The following OAT variants were observed in gnomAD, a reference collection of about 807,000 sequenced individuals.
The protein encoded by OAT is ornithine aminotransferase.
Under a neutral mutation model 48.4 loss-of-function variants are expected in OAT, and 35 were observed. The observed-to-expected ratio is 0.72, with a 90% confidence interval of 0.55 to 0.96. The LOEUF is 0.96. Ranked by LOEUF, OAT falls within the 40% of genes least tolerant of loss-of-function variation. The probability of loss-of-function intolerance (pLI) is 0.00; values close to 1 mark genes in which losing one functional copy is unlikely to be tolerated. For synonymous variants in OAT, 182 were observed against 198.4 expected (o/e 0.92, Z 0.70); for missense variants, 438 against 537.9 (o/e 0.81, Z 1.84).
rs1951492816 is a variant in OAT at position 124,403,823 on chromosome 10, A to G, written c.746T>C (p.Val249Ala). Residue 249 changes from valine (V) to alanine (A), a missense_variant, in exon 6 of 10, where the codon GTG (valine) becomes GCG (alanine). Coordinates refer to ENST00000368845, the MANE Select transcript of OAT (RefSeq NM_000274.4). Reference protein sequence around the residue: ...VVPDPGYLMGVRELCTRHQVL... With the variant: ...VVPDPGYLMGARELCTRHQVL... Reference sequence around the variant, plus strand: ...CTGGTGCCTGGTGCAGAGCTCTCGCACTCCCATTAGGTAACCTGGATCCGG... The same window carrying G: ...CTGGTGCCTGGTGCAGAGCTCTCGCGCTCCCATTAGGTAACCTGGATCCGG... 1 of 1,613,958 alleles carries G rather than the reference A, an allele frequency of 6.2e-7. No homozygotes were observed. The highest frequency in any genetic ancestry group is 1.7e-5 in the Admixed American group (1 of 60,000).
chr10:124,417,003 C>A (rs1386807945), intron 1 of OAT, among the ~76,000 whole-genome samples: 1 of 152,144 alleles, frequency 6.6e-6, no homozygotes, highest in East Asian at 1.9e-4. Flanking sequence ...TCAACTACAG[C>A]ACATCCTCCA....
chr10:124,400,346 G>A (rs1358727391), intron 9 of OAT, among the ~76,000 whole-genome samples: 1 of 151,842 alleles, frequency 6.6e-6, no homozygotes, highest in East Asian at 1.9e-4. Flanking sequence ...TACTCGGGAG[G>A]CTGAGGCAGG....
At chr10:124,412,586 G>C (rs879501919) in intron 1 of OAT, among the ~76,000 whole-genome samples, 1 of 151,800 alleles carries the variant, frequency 6.6e-6, no homozygotes, top group Non-Finnish European at 1.5e-5. Flanking sequence ...TGGGAGGATC[G>C]CTTGAGCCGA....
At chr10:124,417,263 T>A (rs1402309601) in intron 1 of OAT, among the ~76,000 whole-genome samples, 3 of 150,370 alleles carry the variant, frequency 2.0e-5, no homozygotes, top group Admixed American at 6.6e-5. Flanking sequence ...CATGAAAAAC[T>A]GTAAACCCAA....
chr10:124,403,296 A>G (rs994282256), intron 6 of OAT: 2 of 574,498 alleles, frequency 3.5e-6, no homozygotes, highest in Admixed American at 3.1e-5. Flanking sequence ...GCCCTGCTCT[A>G]CATAGTGAAA....
chr10:124,400,889 G>T lies in OAT; in HGVS notation c.1110C>A (p.Ala370=), dbSNP rs148325838. 6.2e-7 allele frequency: 1 copy of T among 1,605,324 alleles called. No individual in the cohort carries two copies. ...LMKLPSDVVT[A]VRGKGLLNAI... ...CGTTTAATAATCCTTTTCCTCTTACGGCAGTTACAACATCAGAAGGTAGCT... is the reference window on the plus strand; with the variant it reads ...CGTTTAATAATCCTTTTCCTCTTACTGCAGTTACAACATCAGAAGGTAGCT... Residue 370 remains alanine (A), a synonymous_variant, in exon 9 of 10, where the codon GCC becomes GCA. Transcript: ENST00000368845.
At chr10:124,411,826 A>G (rs1951761276) in intron 2 of OAT, 147 bp downstream of exon 2, 1 of 758,796 alleles carries the variant, frequency 1.3e-6, no homozygotes, top group African/African-American at 1.8e-5. Flanking sequence ...AAAAAAAAAA[A>G]AAAAAAAAGA....
Position 124,412,056 on chromosome 10 carries a change from G to A in OAT, c.116C>T (p.Thr39Ile), listed in dbSNP as rs754764229. Reference sequence around the variant, plus strand: ...TTCCCTTTCAAAAATGTCATCAGAGGTTGGAGGGCCTTGGACTGTTTTTTT... The same window carrying A: ...TTCCCTTTCAAAAATGTCATCAGAGATTGGAGGGCCTTGGACTGTTTTTTT... ...ATKKTVQGPPTSDDIFEREYK... is the reference protein window; with the variant it reads ...ATKKTVQGPPISDDIFEREYK... The change falls in exon 2 of 10, where the codon ACC (threonine) becomes ATC (isoleucine). Residue 39 changes from threonine to isoleucine, a missense_variant. Coordinates refer to ENST00000368845, the MANE Select transcript of OAT (RefSeq NM_000274.4). The A allele has an allele frequency of 1.2e-6, 2 of 1,614,188 alleles. No homozygotes were observed. Among genetic ancestry groups the A allele is most frequent in the Non-Finnish European group, 8.5e-7 (1 of 1,180,042 alleles).
chr10:124,398,952 G>A (rs1430335214), intron 9 of OAT, among the ~76,000 whole-genome samples: 1 of 152,074 alleles, frequency 6.6e-6, no homozygotes, highest in Non-Finnish European at 1.5e-5. Flanking sequence ...AGGAAGTGGA[G>A]GTCGCAGTGA....
Position 124,401,748 on chromosome 10 carries a change from CGGCAGCCTAGTGG to C in OAT, c.979_991del (p.Pro327GlufsTer10). 6.2e-7 allele frequency: 1 copy of C among 1,612,258 alleles called. No individual in the cohort carries two copies. Among genetic ancestry groups the C allele is most frequent in the Non-Finnish European group, 8.5e-7 (1 of 1,178,958 alleles). ...TACCTCAAGGGCTGCGATGGCCACT[CGGCAGCCTAGTGG>C]ATTGCCACCGTATGTGGACCCATGC... On this transcript the variant is annotated frameshift_variant, in exon 8 of 10. Transcript: ENST00000368845. LOFTEE classifies it high-confidence loss of function.
chr10:124,410,216 A>G lies in OAT; in HGVS notation c.200-1251T>C, dbSNP rs530103373. Among the ~76,000 whole-genome samples the G allele has an allele frequency of 3.9e-5, 6 of 152,338 alleles. No individual in the cohort carries two copies. In the East Asian group the frequency reaches 1.2e-3, roughly 29 times the overall value. ...ACCACCGTAATCATTTATTCAGGCA[A>G]GAATCATTAGTGGATGCTGAAATTG... On this transcript the variant is annotated intron_variant, in intron 2 of 9. Transcript: ENST00000368845.
intron 1 of OAT, among the ~76,000 whole-genome samples, chr10:124,413,267 T>C (rs1421793924): frequency 2.1e-4 from 28 of 134,686 alleles, no homozygotes; most frequent in African/African-American, 4.0e-4. Flanking sequence ...CATAAATACA[T>C]ACACACACAC....
chr10:124,412,630 T>C (rs149098767), intron 1 of OAT, among the ~76,000 whole-genome samples: 68 of 151,414 alleles, frequency 4.5e-4, no homozygotes, highest in Non-Finnish European at 8.8e-4. Flanking sequence ...ACATAGTCTC[T>C]ATAAAAGAAA....
At chr10:124,404,277 T>A (rs556678124) in intron 5 of OAT, among the ~76,000 whole-genome samples, 1 of 151,536 alleles carries the variant, frequency 6.6e-6, no homozygotes, top group Non-Finnish European at 1.5e-5. Flanking sequence ...TTTCATTTTT[T>A]TTTTTTTGGA....
intron 1 of OAT, among the ~76,000 whole-genome samples, chr10:124,415,591 C>T (rs186101928): frequency 1.3e-5 from 2 of 152,310 alleles, no homozygotes; most frequent in East Asian, 3.9e-4. Context: ...AATCTTAGAG[C>T]AGAATTAAGA....
At chr10:124,401,895 A>T in intron 7 of OAT, 56 bp from the exon 8 acceptor site, 1 of 1,328,284 alleles carries the variant, frequency 7.5e-7, no homozygotes, top group South Asian at 1.2e-5. Flanking sequence ...TCTACTAAGC[A>T]TCCTTTTCCC....
chr10:124,405,297 G>A (rs1245039826), intron 5 of OAT, 139 bp downstream of exon 5: 32 of 1,279,580 alleles, frequency 2.5e-5, no homozygotes, highest in Non-Finnish European at 3.3e-5. Flanking sequence ...GATCGCTACT[G>A]AGAACAAGTC....
intron 2 of OAT, 67 bp from the exon 3 acceptor site, chr10:124,409,032 GA>G (rs1951681530): frequency 1.6e-6 from 2 of 1,212,732 alleles, no homozygotes; most frequent in African/African-American, 1.5e-5. Flanking sequence ...CAAAAATTAA[GA>G]GTGCTAGCAA....
In OAT at chr10:124,412,075, T is replaced by G; in HGVS notation, c.97A>C (p.Thr33Pro). The change falls in exon 2 of 10, where the codon ACA becomes CCA. Residue 33 changes from threonine (T) to proline (P), a missense_variant. By Grantham distance (38) the Thr-to-Pro change is conservative. Transcript: ENST00000368845. ...ASATSVATKK[T>P]VQGPPTSDDI... ...TCAGAGGTTGGAGGGCCTTGGACTG[T>G]TTTTTTAGTTGCAACAGATGTAGCA... The G allele has an allele frequency of 1.2e-6, 2 of 1,614,022 alleles. No individual in the cohort carries two copies. Among genetic ancestry groups the G allele is most frequent in the Middle Eastern group, 1.6e-4 (1 of 6,062 alleles).
Sources: gnomAD v4.1 joint callset for allele counts (sites outside exome capture counted in the v4.1 genomes callset) on GRCh38, gnomAD v4.1.1 for gene constraint, MANE v1.5 for transcripts, NCBI Gene and HGNC (gene_info 2026-07-23, HGNC 2026-07-21) for gene names.